CNOT4: variants seen among roughly 807,000 people sequenced by gnomAD.
CNOT4 encodes CCR4-NOT transcription complex subunit 4, also known as CCR4-associated factor 4.
A neutral mutation model predicts 73.8 loss-of-function variants in CNOT4; 8 were observed. That is an observed-to-expected ratio of 0.11 (90% confidence interval 0.06 to 0.20). CNOT4 has a LOEUF of 0.20. CNOT4 is among the 10% of genes least tolerant of loss of function. CNOT4 has a pLI of 1.00. For synonymous variants in CNOT4, 293 were observed against 321.1 expected, an observed-to-expected ratio of 0.91 and a Z score of 0.94; for missense variants, 564 against 883.4, an observed-to-expected ratio of 0.64 and a Z score of 4.58.
chr7:135,424,040 A>AACACACAC (rs3138785), intron 2 of CNOT4, among the ~76,000 whole-genome samples: 25 of 144,300 alleles, frequency 1.7e-4, no homozygotes, highest in East Asian at 1.0e-3. Flanking sequence ...AAACAAACAA[A>AACACACAC]ACACACACAC....
chr7:135,497,183 G>T (rs1201610495), intron 1 of CNOT4, among the ~76,000 whole-genome samples: 1 of 151,908 alleles, frequency 6.6e-6, no homozygotes, highest in East Asian at 2.0e-4. Flanking sequence ...CGAGGCAGGC[G>T]GATTGCTTGA....
intron 3 of CNOT4, among the ~76,000 whole-genome samples, chr7:135,420,303 G>A (rs1289909568): frequency 2.0e-5 from 3 of 151,522 alleles, no homozygotes; most frequent in Non-Finnish European, 2.9e-5. Flanking sequence ...TAGGTTGGGC[G>A]CAGTGGCTCA....
At chr7:135,415,670 G>T (rs921323050) in intron 3 of CNOT4, among the ~76,000 whole-genome samples, 2 of 151,890 alleles carry the variant, frequency 1.3e-5, no homozygotes, top group African/African-American at 4.8e-5. Context: ...TGTATTAAAG[G>T]TAAAGACAGA....
chr7:135,477,569 A>G (rs951084542), intron 1 of CNOT4, among the ~76,000 whole-genome samples: 2 of 152,174 alleles, frequency 1.3e-5, no homozygotes, highest in Non-Finnish European at 2.9e-5. Flanking sequence ...GAATGAGTAC[A>G]TTGTTCTGAA....
intron 1 of CNOT4, among the ~76,000 whole-genome samples, chr7:135,449,280 A>C (rs1800023166): frequency 6.6e-6 from 1 of 152,168 alleles, no homozygotes; most frequent in Non-Finnish European, 1.5e-5. Flanking sequence ...GGGGATTCTG[A>C]GGTACGTGAA....
chr7:135,383,582 C>T (rs894676889), intron 10 of CNOT4, among the ~76,000 whole-genome samples: 8 of 152,210 alleles, frequency 5.3e-5, no homozygotes, highest in African/African-American at 1.7e-4. Context: ...CTACAATTCT[C>T]TCTCACATAG....
chr7:135,388,342 TTC>T (rs1796227860), intron 10 of CNOT4: 4 of 984,736 alleles, frequency 4.1e-6, no homozygotes, highest in Non-Finnish European at 4.8e-6. Context: ...TTTATATGTA[TTC>T]TTTCTTCTCA....
In CNOT4 at chr7:135,504,472, T is replaced by C. The variant is rs2129488298; in HGVS notation, c.-93+5417A>G. Among the ~76,000 whole-genome samples, 2 of 69,570 alleles carry C rather than the reference T, an allele frequency of 2.9e-5. 1 individual carries two copies. Among genetic ancestry groups the C allele is most frequent in the South Asian group, 1.2e-3 (2 of 1,680 alleles). The allele number at this position is 69,570 out of a possible 152,430, so 45.6% of individuals were successfully genotyped here. On this transcript the variant is annotated intron_variant, in intron 1 of 11. Transcript: ENST00000541284. ...CACCACATCCGGCTAATTTTTTTTTTTTTTTTTTTTTTTTTTTATTTTTAT... is the reference window on the plus strand; with the variant it reads ...CACCACATCCGGCTAATTTTTTTTTCTTTTTTTTTTTTTTTTTATTTTTAT...
chr7:135,400,803 C>T (rs773544494), intron 7 of CNOT4, among the ~76,000 whole-genome samples: 18 of 152,066 alleles, frequency 1.2e-4, no homozygotes, highest in Non-Finnish European at 2.4e-4. Flanking sequence ...AGGATTATGG[C>T]AAGAGACCAG....
intron 1 of CNOT4, among the ~76,000 whole-genome samples, chr7:135,482,905 G>C (rs1425481852): frequency 1.3e-5 from 2 of 149,252 alleles, no homozygotes; most frequent in Admixed American, 1.4e-4. Flanking sequence ...AGAATCTCCT[G>C]AGCCTGGGAA....
intron 7 of CNOT4, among the ~76,000 whole-genome samples, chr7:135,401,572 G>C (rs576116565): frequency 1.3e-5 from 2 of 152,184 alleles, no homozygotes; most frequent in Non-Finnish European, 1.5e-5. Context: ...ATTTTCAATG[G>C]GAGAGATTTT....
intron 1 of CNOT4, among the ~76,000 whole-genome samples, chr7:135,506,665 T>C (rs1804390977): frequency 6.6e-6 from 1 of 151,876 alleles, no homozygotes; most frequent in Non-Finnish European, 1.5e-5. Flanking sequence ...CTGACCAACA[T>C]GGTGAAACCC....
At chr7:135,444,360 T>C (rs1442622132) in intron 1 of CNOT4, 11 of 669,576 alleles carry the variant, frequency 1.6e-5, no homozygotes, top group Admixed American at 1.2e-4. Flanking sequence ...AAATGGAAAG[T>C]AATCCAAGTG....
At chr7:135,404,728 T>C (rs952082809) in intron 7 of CNOT4, among the ~76,000 whole-genome samples, 5 of 152,206 alleles carry the variant, frequency 3.3e-5, no homozygotes, top group African/African-American at 4.8e-5. Flanking sequence ...TGTATTTTTA[T>C]TTTAAAAGAT....
At chr7:135,428,793 C>T (rs894731408) in intron 2 of CNOT4, among the ~76,000 whole-genome samples, 2 of 152,054 alleles carry the variant, frequency 1.3e-5, no homozygotes, top group Non-Finnish European at 1.5e-5. Flanking sequence ...GAGATAATAG[C>T]TTAATTTTTA....
intron 7 of CNOT4, among the ~76,000 whole-genome samples, chr7:135,402,995 T>TA (rs1224391845): frequency 6.6e-6 from 1 of 151,918 alleles, no homozygotes; most frequent in Middle Eastern, 3.2e-3. Flanking sequence ...GGGGGTGGAC[T>TA]AAAAAAAAGT....
chr7:135,421,079 A>C (rs1798163953), intron 3 of CNOT4, among the ~76,000 whole-genome samples: 1 of 152,112 alleles, frequency 6.6e-6, no homozygotes. Context: ...CTTCTTACTA[A>C]TGTCCCTGAC....
rs1796942534 is a variant in CNOT4 at position 135,400,415 on chromosome 7, AAG to A, written c.822-2191_822-2190del. On this transcript the variant is annotated intron_variant, in intron 7 of 11. Transcript: ENST00000541284. ...GTAATAAGGGCTTCAAGCTGAGAGAAAGAGGTGGTAACAGAAACAAAAGGCTA... is the reference window on the plus strand; with the variant it reads ...GTAATAAGGGCTTCAAGCTGAGAGAAAGGTGGTAACAGAAACAAAAGGCTA... Among the ~76,000 whole-genome samples the A allele has an allele frequency of 3.9e-5, 6 of 152,174 alleles. No individual in the cohort carries two copies. The South Asian group carries it at 1.2e-3, about 32-fold the overall frequency.
chr7:135,495,156 A>C (rs1803381737), intron 1 of CNOT4, among the ~76,000 whole-genome samples: 1 of 152,168 alleles, frequency 6.6e-6, no homozygotes, highest in Non-Finnish European at 1.5e-5. Flanking sequence ...TATACAATAC[A>C]TATTCCCTAT....
Sources: allele counts gnomAD v4.1 joint callset (sites outside exome capture counted in the v4.1 genomes callset), GRCh38; gene constraint gnomAD v4.1.1; transcripts MANE v1.5; gene names NCBI Gene and HGNC (gene_info 2026-07-23, HGNC 2026-07-21).